Variants in ZMAT4 observed in about 807,000 individuals in gnomAD.
ZMAT4 encodes the protein zinc finger matrin-type 4, also known as zinc finger matrin-type protein 4.
In ZMAT4, 17 loss-of-function variants were observed where a neutral mutation model predicts 28.7. That is an observed-to-expected ratio of 0.59 (90% confidence interval 0.41 to 0.89). The LOEUF (loss-of-function observed/expected upper bound fraction) is 0.89, where lower values mean the gene tolerates loss of function less well. Ranked by LOEUF, ZMAT4 falls within the 40% of genes least tolerant of loss-of-function variation. The pLI is 0.00. For missense variants in ZMAT4, 240 were observed against 283.8 expected, an observed-to-expected ratio of 0.85 and a Z score of 1.11; for synonymous variants, 117 against 109.2, an observed-to-expected ratio of 1.07 and a Z score of -0.44.
At chr8:40,547,267 C>T (rs957710894) in intron 6 of ZMAT4, among the ~76,000 whole-genome samples, 2 of 152,118 alleles carry the variant, frequency 1.3e-5, no homozygotes, top group African/African-American at 4.8e-5. Context: ...GCCTGCAAAT[C>T]CCGCTGTTTT....
intron 1 of ZMAT4, among the ~76,000 whole-genome samples, chr8:40,867,500 G>T (rs1160655103): frequency 1.3e-5 from 2 of 152,114 alleles, no homozygotes; most frequent in Non-Finnish European, 2.9e-5. Context: ...GCAGGGTCCT[G>T]CATGATCTGC....
At chr8:40,780,432 T>A (rs1370383882) in intron 2 of ZMAT4, among the ~76,000 whole-genome samples, 1 of 152,226 alleles carries the variant, frequency 6.6e-6, no homozygotes, top group African/African-American at 2.4e-5. Context: ...ACATTGTAAG[T>A]TTGGGACTGT....
chr8:40,549,039 G>A (rs1164173613), intron 6 of ZMAT4, among the ~76,000 whole-genome samples: 1 of 152,116 alleles, frequency 6.6e-6, no homozygotes, highest in Non-Finnish European at 1.5e-5. Flanking sequence ...CCTTTGGGAG[G>A]TGATGAGGTC....
intron 1 of ZMAT4, among the ~76,000 whole-genome samples, chr8:40,840,055 C>T (rs1299013660): frequency 1.3e-5 from 2 of 152,202 alleles, no homozygotes; most frequent in East Asian, 1.9e-4. Flanking sequence ...CCTGGACTCA[C>T]ATTAAAATAA....
intron 1 of ZMAT4, among the ~76,000 whole-genome samples, chr8:40,871,505 C>T (rs1817855966): frequency 6.6e-6 from 1 of 152,134 alleles, no homozygotes; most frequent in Admixed American, 6.5e-5. Context: ...CATAAAGTTG[C>T]AATATACAAG....
At chr8:40,752,382 G>A (rs59556769) in intron 3 of ZMAT4, among the ~76,000 whole-genome samples, 18,773 of 152,184 alleles carry the variant, frequency 0.12, 1,656 homozygotes, top group East Asian at 0.38. Context: ...GAAGCTCTGA[G>A]AACAAGAGTT....
intron 1 of ZMAT4, among the ~76,000 whole-genome samples, chr8:40,843,375 A>C (rs1346992802): frequency 6.6e-6 from 1 of 152,192 alleles, no homozygotes; most frequent in African/African-American, 2.4e-5. Context: ...GAGACCCAGC[A>C]GGAGCTCATG....
intron 6 of ZMAT4, among the ~76,000 whole-genome samples, chr8:40,532,796 G>T (rs1802732390): frequency 6.6e-6 from 1 of 152,102 alleles, no homozygotes; most frequent in Non-Finnish European, 1.5e-5. Context: ...AGGATATCAA[G>T]ACTATCCTGG....
intron 1 of ZMAT4, among the ~76,000 whole-genome samples, chr8:40,847,800 A>AGTCC (rs1199411845): frequency 6.6e-6 from 1 of 152,178 alleles, no homozygotes; most frequent in Non-Finnish European, 1.5e-5. Flanking sequence ...TGGCAGCTGA[A>AGTCC]GTCCGTCCAC....
chr8:40,800,541 G>T (rs1814792698), intron 2 of ZMAT4, among the ~76,000 whole-genome samples: 1 of 151,894 alleles, frequency 6.6e-6, no homozygotes, highest in Non-Finnish European at 1.5e-5. Flanking sequence ...AGAAATAATA[G>T]AAATCACTAT....
At chr8:40,556,054 TG>T (rs1391850378) in intron 6 of ZMAT4, among the ~76,000 whole-genome samples, 2 of 152,160 alleles carry the variant, frequency 1.3e-5, no homozygotes, top group Non-Finnish European at 2.9e-5. Context: ...ACCAGTCACA[TG>T]GTTCTCCTAC....
At position 40,710,947 on chromosome 8, in the gene ZMAT4, A is replaced by AT. The variant is rs534273425; in HGVS notation, c.193-13547_193-13546insA. On this transcript the variant is annotated intron_variant, in intron 3 of 6. Coordinates refer to ENST00000297737, the MANE Select transcript of ZMAT4 (RefSeq NM_024645.3). ...AGGCACGTGCCACCACACCCAGATAAATTTTTTTTTGTATTTTTAGTAGAG... is the reference window on the plus strand; with the variant it reads ...AGGCACGTGCCACCACACCCAGATAATATTTTTTTTTGTATTTTTAGTAGAG... Among the ~76,000 whole-genome samples, 218 of 150,834 alleles carry AT rather than the reference A, an allele frequency of 1.4e-3. 4 individuals carry two copies. In the South Asian group the frequency reaches 0.04, roughly 27 times the overall value.
chr8:40,630,745 ACT>A (rs1169595835), intron 5 of ZMAT4, among the ~76,000 whole-genome samples: 2 of 152,192 alleles, frequency 1.3e-5, no homozygotes, highest in African/African-American at 4.8e-5. Context: ...ACTCTATGTA[ACT>A]CTGCACATTT....
At chr8:40,667,604 G>A (rs1338601342) in intron 5 of ZMAT4, among the ~76,000 whole-genome samples, 1 of 152,102 alleles carries the variant, frequency 6.6e-6, no homozygotes, top group African/African-American at 2.4e-5. Flanking sequence ...GTGATCTCTC[G>A]AGGTTCTCAT....
chr8:40,532,338 A>G lies in ZMAT4; in HGVS notation c.675-100T>C, dbSNP rs888209257. ...CCCCTGTCTCTCTTCTACTTCTCAT[A>G]TTACCTTAACCATCAAATTCAAATG... is the stretch of plus-strand genomic sequence containing the variant. On this transcript the variant is annotated intron_variant, in intron 6 of 6. Coordinates refer to ENST00000297737, the MANE Select transcript of ZMAT4 (RefSeq NM_024645.3). The G allele has an allele frequency of 5.1e-6, 5 of 980,100 alleles. No homozygotes were observed. In the African/African-American group the frequency reaches 6.7e-5, roughly 13 times the overall value. 60.7% of individuals were successfully genotyped at this position (980,100 alleles called of 1,614,324 possible). A position where few individuals can be genotyped will look rare whatever the true frequency, so the allele number is the denominator to read the frequency against.
intron 5 of ZMAT4, among the ~76,000 whole-genome samples, chr8:40,639,534 C>T (rs995200614): frequency 3.2e-4 from 48 of 152,016 alleles, no homozygotes; most frequent in African/African-American, 1.0e-3. Flanking sequence ...TCTCATTTTT[C>T]TTGGGGTCAA....
intron 1 of ZMAT4, among the ~76,000 whole-genome samples, chr8:40,842,171 T>C (rs1009092589): frequency 1.3e-5 from 2 of 152,210 alleles, no homozygotes; most frequent in Admixed American, 1.3e-4. Context: ...GCAGCAATGG[T>C]GGTCCCCCAA....
At chr8:40,672,985 T>C (rs1808742714) in intron 5 of ZMAT4, among the ~76,000 whole-genome samples, 2 of 152,232 alleles carry the variant, frequency 1.3e-5, no homozygotes, top group Non-Finnish European at 2.9e-5. Context: ...TAAAGTGTTA[T>C]TAATGTTTGC....
chr8:40,619,831 G>A (rs1806134913), intron 5 of ZMAT4, among the ~76,000 whole-genome samples: 1 of 152,168 alleles, frequency 6.6e-6, no homozygotes, highest in South Asian at 2.1e-4. Context: ...AGAGTGTGAA[G>A]GGACCCGTGC....
Sources: allele counts gnomAD v4.1 joint callset (sites outside exome capture counted in the v4.1 genomes callset), GRCh38; gene constraint gnomAD v4.1.1; transcripts MANE v1.5; gene names NCBI Gene and HGNC (gene_info 2026-07-23, HGNC 2026-07-21).